The following PEBP4 variants were observed in gnomAD, a reference collection of about 807,000 sequenced individuals.
The protein encoded by PEBP4 is phosphatidylethanolamine-binding protein 4.
Under a neutral mutation model 23.9 loss-of-function variants are expected in PEBP4, and 22 were observed. The ratio of observed to expected loss-of-function variants is 0.92; its 90% CI spans 0.66 to 1.31. PEBP4 has a LOEUF of 1.31. Among genes scored for constraint, PEBP4 ranks in the 40% most tolerant of loss-of-function variants. The pLI, the probability that PEBP4 is intolerant of heterozygous loss-of-function variation, is 0.00. For missense variants in PEBP4, 324 were observed against 281.7 expected, an observed-to-expected ratio of 1.15 and a Z score of -1.07; for synonymous variants, 112 against 99.3, an observed-to-expected ratio of 1.13 and a Z score of -0.76.
chr8:22,865,818 A>AC lies in PEBP4; in HGVS notation c.259-48084dup, dbSNP rs1439362990. 2.0e-5 allele frequency among the ~76,000 whole-genome samples: 3 copies of AC among 151,480 alleles called. No homozygotes were observed. Among genetic ancestry groups the AC allele is most frequent in the Non-Finnish European group, 2.9e-5 (2 of 67,888 alleles). On this transcript the variant is annotated intron_variant, in intron 3 of 6. Coordinates refer to ENST00000256404, the MANE Select transcript of PEBP4 (RefSeq NM_144962.3). The surrounding 1 kb of genome is among the most constrained non-coding windows in gnomAD (Gnocchi z 6.9). ...GGCGCGAGCGGCGGCGCCTAGAGGG[A>AC]CCCCCACCCCGGGCTCGAACTCCCG... is the stretch of plus-strand genomic sequence containing the variant.
chr8:22,716,571 G>A (rs946062236), intron 6 of PEBP4, among the ~76,000 whole-genome samples: 1 of 152,256 alleles, frequency 6.6e-6, no homozygotes, highest in Admixed American at 6.5e-5. Flanking sequence ...AGGCCCTGGG[G>A]CAGGTCTTGA....
chr8:22,769,940 C>G (rs779902533), intron 4 of PEBP4, among the ~76,000 whole-genome samples: 1 of 152,184 alleles, frequency 6.6e-6, no homozygotes, highest in Non-Finnish European at 1.5e-5. Context: ...TGCATCTCCT[C>G]TTTGTTTTGT....
chr8:22,871,964 T>C (rs148859446), intron 3 of PEBP4, among the ~76,000 whole-genome samples: 4 of 152,316 alleles, frequency 2.6e-5, no homozygotes, highest in African/African-American at 7.2e-5. Context: ...AAATCCATTA[T>C]ATCACTGTTA....
chr8:22,815,587 C>T (rs567222958), intron 4 of PEBP4, among the ~76,000 whole-genome samples: 1 of 152,348 alleles, frequency 6.6e-6, no homozygotes, highest in South Asian at 2.1e-4. Context: ...ATCGCTGCCG[C>T]TTCCTGCTGA....
At position 22,752,325 on chromosome 8, in the gene PEBP4, AT is replaced by A. The variant is rs141689280; in HGVS notation, c.358-25106del. On this transcript the variant is annotated intron_variant, in intron 4 of 6. Transcript: ENST00000256404. ...CATAGTGGCCAGATTTGTAAAATGG[AT>A]AAAAAAGGTGACATGAATGCCTTTG... 5.5e-3 allele frequency among the ~76,000 whole-genome samples: 845 copies of A among 152,332 alleles called. 12 individuals carry two copies. Among genetic ancestry groups the A allele is most frequent in the African/African-American group, 0.02 (816 of 41,572 alleles).
At chr8:22,922,653 G>T (rs563768449) in intron 2 of PEBP4, among the ~76,000 whole-genome samples, 98 of 152,020 alleles carry the variant, frequency 6.4e-4, no homozygotes, top group Non-Finnish European at 1.2e-3. Flanking sequence ...TTGAGCCCAG[G>T]AGGTAGAAGC....
chr8:22,775,667 G>A lies in PEBP4; in HGVS notation c.357+41970C>T, dbSNP rs948377046. Among the ~76,000 whole-genome samples the A allele has an allele frequency of 6.6e-6, 1 of 152,116 alleles. No individual in the cohort carries two copies. On this transcript the variant is annotated intron_variant, in intron 4 of 6. Coordinates refer to ENST00000256404, the MANE Select transcript of PEBP4 (RefSeq NM_144962.3). The surrounding 1 kb of genome is among the most constrained non-coding windows in gnomAD (Gnocchi z 4.8). ...AGGGGGACGGAGGCAGCGTCTCTGC[G>A]GCATACCAGCAAACCAGAAATTAGC...
intron 3 of PEBP4, among the ~76,000 whole-genome samples, chr8:22,903,408 TAAAAC>T (rs1292576550): frequency 1.3e-5 from 2 of 152,084 alleles, no homozygotes; most frequent in Non-Finnish European, 2.9e-5. Flanking sequence ...GTGTGCCAAA[TAAAAC>T]AAAATAATTG....
At chr8:22,882,567 C>T (rs369562469) in intron 3 of PEBP4, among the ~76,000 whole-genome samples, 24 of 152,280 alleles carry the variant, frequency 1.6e-4, no homozygotes, top group African/African-American at 5.1e-4. Context: ...CCGTGGCTCC[C>T]GGAGAGAAAG....
chr8:22,860,197 T>C (rs1807745424), intron 3 of PEBP4, among the ~76,000 whole-genome samples: 1 of 55,956 alleles, frequency 1.8e-5, no homozygotes, highest in Admixed American at 2.1e-4. Flanking sequence ...TATATGTATA[T>C]ATATATATAC....
In PEBP4 at chr8:22,940,490, C is replaced by CTTTTT. The variant is rs761722562; in HGVS notation, c.145-12775_145-12771dup. On this transcript the variant is annotated intron_variant, in intron 1 of 1. Coordinates refer to the PEBP4 transcript ENST00000522278. ...AACACCACCTTTACCATGAATTTCT[C>CTTTTT]TTTTTTTTTTTTTTTCGAGACGGAG... Among the ~76,000 whole-genome samples, 129 of 110,018 alleles carry CTTTTT rather than the reference C, an allele frequency of 1.2e-3. 12 individuals carry two copies. The highest frequency in any genetic ancestry group is 4.1e-3 in the African/African-American group (110 of 26,656). The allele number at this position is 110,018 out of a possible 152,430, so 72.2% of individuals were successfully genotyped here.
chr8:22,935,240 G>A (rs1809518395), intron 1 of PEBP4, among the ~76,000 whole-genome samples: 1 of 152,192 alleles, frequency 6.6e-6, no homozygotes, highest in African/African-American at 2.4e-5. Context: ...TGGGAGACTG[G>A]CTGGGCATGG....
At chr8:22,824,547 CACTTT>C (rs535027068) in intron 3 of PEBP4, among the ~76,000 whole-genome samples, 4 of 152,218 alleles carry the variant, frequency 2.6e-5, no homozygotes, top group Non-Finnish European at 4.4e-5. Context: ...ATTTATTGTG[CACTTT>C]ATTTTTATTA....
intron 4 of PEBP4, among the ~76,000 whole-genome samples, chr8:22,793,487 G>A (rs915831406): frequency 2.0e-5 from 3 of 148,714 alleles, no homozygotes; most frequent in Admixed American, 6.8e-5. Flanking sequence ...CACCATGTTG[G>A]CCAGGCTGGT....
At chr8:22,826,089 G>A (rs1293818003) in intron 3 of PEBP4, among the ~76,000 whole-genome samples, 1 of 152,130 alleles carries the variant, frequency 6.6e-6, no homozygotes, top group East Asian at 1.9e-4. Flanking sequence ...CAGTCATGAA[G>A]GAAATTCTAG....
At chr8:22,932,241 G>A (rs1032741739), upstream of PEBP4, among the ~76,000 whole-genome samples, 1 of 152,198 alleles carries the variant, frequency 6.6e-6, no homozygotes, top group African/African-American at 2.4e-5. Context: ...TGGAGGTGGA[G>A]GTGGGATAAG....
At chr8:22,817,868 C>T in intron 3 of PEBP4, 133 bp from the exon 4 acceptor site, 1 of 749,800 alleles carries the variant, frequency 1.3e-6, no homozygotes, top group South Asian at 1.6e-5. Context: ...TCCAGTTTAT[C>T]CTTGCTCTCG....
chr8:22,720,738 C>G (rs572399231), intron 6 of PEBP4, among the ~76,000 whole-genome samples: 3 of 152,198 alleles, frequency 2.0e-5, no homozygotes, highest in Admixed American at 2.0e-4. Flanking sequence ...CTCTCTGTTC[C>G]TCCTATCTTG....
chr8:22,734,771 G>A (rs1440688829), intron 4 of PEBP4, among the ~76,000 whole-genome samples: 1 of 152,142 alleles, frequency 6.6e-6, no homozygotes, highest in African/African-American at 2.4e-5. Flanking sequence ...GATAAGACAA[G>A]GGAGGGGAAG....
Sources: gnomAD v4.1 joint callset for allele counts (sites outside exome capture counted in the v4.1 genomes callset) on GRCh38, gnomAD v4.1.1 for gene constraint, Gnocchi (gnomAD v3.1) non-coding constraint, MANE v1.5 for transcripts, NCBI Gene and HGNC (gene_info 2026-07-23, HGNC 2026-07-21) for gene names.